Variants in ARHGAP39 observed in about 807,000 individuals in gnomAD.
The protein encoded by ARHGAP39 is Rho GTPase activating protein 39.
In ARHGAP39, 44 loss-of-function variants were observed where a neutral mutation model predicts 106.9. That is an observed-to-expected ratio of 0.41 (90% CI 0.32 to 0.53). ARHGAP39 has a LOEUF of 0.53. Ranked by LOEUF, ARHGAP39 falls within the 20% of genes least tolerant of loss-of-function variation. ARHGAP39 has a pLI of 0.21. For synonymous variants in ARHGAP39, 768 were observed against 693.2 expected (o/e 1.11, Z -1.69); for missense variants, 1,496 against 1,577.3 (o/e 0.95, Z 0.87).
chr8:144,637,912 C>A (rs926252815), intron 1 of ARHGAP39, among the ~76,000 whole-genome samples: 2 of 149,150 alleles, frequency 1.3e-5, no homozygotes, highest in African/African-American at 5.0e-5. Context: ...TTAGGCTGGT[C>A]TTGAACTCCT....
At chr8:144,648,675 C>G (rs550200386) in intron 1 of ARHGAP39, among the ~76,000 whole-genome samples, 4 of 152,360 alleles carry the variant, frequency 2.6e-5, no homozygotes, top group African/African-American at 7.2e-5. Context: ...GCAGAGCCAG[C>G]TCAACCCTAG....
chr8:144,610,923 T>C (rs1371590354), intron 1 of ARHGAP39, among the ~76,000 whole-genome samples: 1 of 152,014 alleles, frequency 6.6e-6, no homozygotes, highest in African/African-American at 2.4e-5. Context: ...TTCAAGCGAT[T>C]CTCCTGCCTC....
At chr8:144,611,210 G>C (rs1820479480) in intron 1 of ARHGAP39, among the ~76,000 whole-genome samples, 1 of 152,122 alleles carries the variant, frequency 6.6e-6, no homozygotes, top group African/African-American at 2.4e-5. Flanking sequence ...TTTTTTATTG[G>C]TTTCTAATTA....
At chr8:144,551,336 G>C (rs147814887) in intron 4 of ARHGAP39, among the ~76,000 whole-genome samples, 416 of 152,276 alleles carry the variant, frequency 2.7e-3, no homozygotes, top group African/African-American at 9.0e-3. Context: ...TGCCCAGTTG[G>C]GGCAGAGATG....
chr8:144,682,177 G>A (rs796109603), intron 1 of ARHGAP39, among the ~76,000 whole-genome samples: 10 of 147,160 alleles, frequency 6.8e-5, no homozygotes, highest in African/African-American at 2.0e-4. Context: ...CTTGGGAGGC[G>A]GAGCTTACAG....
At chr8:144,629,534 CA>C (rs1821010563) in intron 1 of ARHGAP39, among the ~76,000 whole-genome samples, 1 of 152,208 alleles carries the variant, frequency 6.6e-6, no homozygotes, top group Non-Finnish European at 1.5e-5. Context: ...ATGAGCTACC[CA>C]AAAGCAAGTG....
chr8:144,546,219 C>T (rs1285048930), intron 5 of ARHGAP39, among the ~76,000 whole-genome samples: 1 of 152,178 alleles, frequency 6.6e-6, no homozygotes, highest in Non-Finnish European at 1.5e-5. Flanking sequence ...TGTCTGGTTC[C>T]CAATCCCTTC....
At chr8:144,582,321 G>C (rs564777628) in intron 2 of ARHGAP39, among the ~76,000 whole-genome samples, 2 of 152,330 alleles carry the variant, frequency 1.3e-5, no homozygotes, top group South Asian at 2.1e-4. Flanking sequence ...CCAGGGACAC[G>C]GCGGCTCTGA....
intron 1 of ARHGAP39, among the ~76,000 whole-genome samples, chr8:144,627,504 G>A (rs1240112577): frequency 6.3e-5 from 9 of 143,466 alleles, no homozygotes; most frequent in Admixed American, 6.0e-4. Context: ...GCAGTGAGCT[G>A]AGATCGCACC....
intron 1 of ARHGAP39, among the ~76,000 whole-genome samples, chr8:144,654,819 T>C (rs1366575677): frequency 6.6e-6 from 1 of 151,760 alleles, no homozygotes; most frequent in Non-Finnish European, 1.5e-5. Context: ...CCTCCCTGTG[T>C]TCTTGGGTGG....
intron 3 of ARHGAP39, among the ~76,000 whole-genome samples, chr8:144,580,342 C>G (rs1050647786): frequency 2.0e-5 from 3 of 152,230 alleles, no homozygotes; most frequent in Admixed American, 2.0e-4. Context: ...CTCCCATCAG[C>G]AGAGAGAGCT....
chr8:144,596,290 A>C (rs548453290), intron 2 of ARHGAP39, among the ~76,000 whole-genome samples: 3 of 111,490 alleles, frequency 2.7e-5, no homozygotes, highest in Non-Finnish European at 5.5e-5. Flanking sequence ...CCACCCCGGC[A>C]CTCTCCACCA....
In ARHGAP39 at chr8:144,685,779, C is replaced by T. The variant is rs1586658676; in HGVS notation, c.-175G>A. On this transcript the variant is annotated 5_prime_UTR_variant, in exon 1 of 12. Coordinates refer to ENST00000377307, the MANE Select transcript of ARHGAP39 (RefSeq NM_025251.3). The stretch of plus-strand genomic sequence containing the variant: ...CCGCCGCTCCCCGGCCTCTCTGCTG[C>T]TCCGCCGCTGCTGCCGCGGCAGCCC... Among the ~76,000 whole-genome samples, 2 of 147,964 alleles carry T rather than the reference C, an allele frequency of 1.4e-5. No individual in the cohort carries two copies. The highest frequency in any genetic ancestry group is 1.3e-4 in the Admixed American group (2 of 14,926).
At chr8:144,655,760 G>A (rs1477718337) in intron 1 of ARHGAP39, among the ~76,000 whole-genome samples, 2 of 152,136 alleles carry the variant, frequency 1.3e-5, no homozygotes, top group African/African-American at 4.8e-5. Context: ...CTTGGGCAAA[G>A]GCGCCACTAG....
chr8:144,640,220 C>T (rs567263212), intron 1 of ARHGAP39, among the ~76,000 whole-genome samples: 123 of 152,280 alleles, frequency 8.1e-4, no homozygotes, highest in African/African-American at 2.8e-3. Flanking sequence ...CAGTTGCACA[C>T]GGGGGACTGA....
chr8:144,605,712 G>C lies in ARHGAP39; in HGVS notation c.-81-17C>G, dbSNP rs983633530. 189 of 1,199,476 alleles carry C rather than the reference G, an allele frequency of 1.6e-4. No individual in the cohort carries two copies. The highest frequency in any genetic ancestry group is 2.6e-5 in the Non-Finnish European group (21 of 823,388). 74.3% of individuals were successfully genotyped at this position (1,199,476 alleles called of 1,614,324 possible). A position where few individuals can be genotyped will look rare whatever the true frequency, so the allele number is the denominator to read the frequency against. On this transcript the variant is annotated splice_polypyrimidine_tract_variant and intron_variant, in intron 1 of 11. Coordinates refer to ENST00000377307, the MANE Select transcript of ARHGAP39 (RefSeq NM_025251.3). ...GGTGCCGCACTGCAAGAGGGGAGAA[G>C]CAACAGTGCTGATATGGAAGACGCC...
rs751866472 is a variant in ARHGAP39, at chr8:144,530,687, C to T, written c.3150+15G>A. 6.4e-7 allele frequency: 1 copy of T among 1,574,534 alleles called. No homozygotes were observed. The highest frequency in any genetic ancestry group is 8.6e-7 in the Non-Finnish European group (1 of 1,158,256). ...GGGAGGGGAAAGCAGCGGGGACCCC[C>T]GGGGAGGGAAGTACCTGCAGGAAGC... On this transcript the variant is annotated intron_variant, in intron 11 of 11. Coordinates refer to ENST00000377307, the MANE Select transcript of ARHGAP39 (RefSeq NM_025251.3).
chr8:144,639,457 A>C (rs748316468), intron 1 of ARHGAP39, among the ~76,000 whole-genome samples: 2 of 152,164 alleles, frequency 1.3e-5, no homozygotes, highest in African/African-American at 2.4e-5. Context: ...TCATCTGTTA[A>C]CATTAACCAT....
chr8:144,602,276 TGC>T (rs1820029937), intron 2 of ARHGAP39, among the ~76,000 whole-genome samples: 2 of 129,742 alleles, frequency 1.5e-5, no homozygotes, highest in Middle Eastern at 5.7e-3. Flanking sequence ...CCTGTGTGTG[TGC>T]GTGGAGGCGT....
Sources: allele counts gnomAD v4.1 joint callset (sites outside exome capture counted in the v4.1 genomes callset), GRCh38; gene constraint gnomAD v4.1.1; transcripts MANE v1.5; gene names NCBI Gene and HGNC (gene_info 2026-07-23, HGNC 2026-07-21).